The following COX6A1 variants were observed in gnomAD, a reference collection of about 807,000 sequenced individuals.
COX6A1 encodes cytochrome c oxidase subunit 6A1.
Under a neutral mutation model 11.3 loss-of-function variants are expected in COX6A1, and 10 were observed. The ratio of observed to expected loss-of-function variants is 0.88; its 90% CI spans 0.54 to 1.50. The LOEUF (loss-of-function observed/expected upper bound fraction) is 1.50. Among genes scored for constraint, COX6A1 ranks in the 40% most tolerant of loss-of-function variants. The pLI is 0.00. For synonymous variants in COX6A1, 81 were observed against 60.6 expected (o/e 1.34, Z -1.57); for missense variants, 149 against 147.6 (o/e 1.01, Z -0.05).
rs376239130 is a variant in COX6A1, at chr12:120,438,788, C to CTTTTTTTTTTTT, written c.246+282_246+293dup. 1.1e-4 allele frequency: 13 copies of CTTTTTTTTTTTT among 120,080 alleles called. 1 individual carries two copies. Among genetic ancestry groups the CTTTTTTTTTTTT allele is most frequent in the East Asian group, 1.1e-3 (3 of 2,834 alleles). The allele number at this position is 120,080 out of a possible 1,614,324, so 7.4% of individuals were successfully genotyped here. A position where few individuals can be genotyped will look rare whatever the true frequency, so the allele number is the denominator to read the frequency against. ...CTACCTCCTGCCTTCTGAGACAGTT[C>CTTTTTTTTTTTT]TTTTTTTTTTTTTTTTTTTTTTTTT... On this transcript the variant is annotated intron_variant, in intron 2 of 2. Transcript: ENST00000229379.
Position 120,438,521 on chromosome 12 carries a change from G to C in COX6A1, c.246G>C (p.Lys82Asn). ...ACCCCCATCTCCGCATCAGGACCAA[G>C]GTACGCCCTTGTACATCTCTTCAAG... is the stretch of plus-strand genomic sequence containing the variant. ...IAYPHLRIRT[K>N]PFPWGDGNHT... The change falls in exon 2 of 3, where the codon AAG (lysine) becomes AAC (asparagine). Residue 82 changes from lysine to asparagine, a missense_variant and splice_region_variant. Coordinates refer to ENST00000229379, the MANE Select transcript of COX6A1 (RefSeq NM_004373.4). 1.2e-6 allele frequency: 2 copies of C among 1,614,192 alleles called. No homozygotes were observed. Among genetic ancestry groups the C allele is most frequent in the Non-Finnish European group, 1.7e-6 (2 of 1,180,036 alleles).
intron 2 of COX6A1, chr12:120,438,735 C>T (rs569557930): frequency 7.5e-6 from 4 of 531,686 alleles, no homozygotes; most frequent in Admixed American, 6.8e-5. Flanking sequence ...AATAAGTGCT[C>T]TTCAGTTTCC....
Position 120,440,331 on chromosome 12 carries a change from G to A in COX6A1, c.247-123G>A, listed in dbSNP as rs1877691609. On this transcript the variant is annotated intron_variant, in intron 2 of 2. Transcript: ENST00000229379. The stretch of plus-strand genomic sequence containing the variant: ...ATGGGAAGGTTGAACTACACCAGTA[G>A]ATAAAGGACTAATTTCCATTTTGTT... 1.0e-5 allele frequency: 7 copies of A among 680,334 alleles called. No homozygotes were observed. The East Asian group carries it at 1.7e-4, about 17-fold the overall frequency. 42.1% of individuals were successfully genotyped at this position (680,334 alleles called of 1,614,324 possible).
chr12:120,440,434 C>T lies in COX6A1; in HGVS notation c.247-20C>T, dbSNP rs777418561. On this transcript the variant is annotated intron_variant, in intron 2 of 2. Transcript: ENST00000229379. ...TAAATTATTTTCTGGAATTATCTAA[C>T]TGACATCTTCACTCCACAGCCGTTT... 3.2e-6 allele frequency: 5 copies of T among 1,582,636 alleles called. No individual in the cohort carries two copies. The South Asian group carries it at 5.5e-5, about 18-fold the overall frequency.
At chr12:120,439,593 G>GTTATTA (rs568707652) in intron 2 of COX6A1, among the ~76,000 whole-genome samples, 11 of 151,194 alleles carry the variant, frequency 7.3e-5, no homozygotes, top group African/African-American at 1.9e-4. Flanking sequence ...GATGAAAAAA[G>GTTATTA]TTATTATTAT....
rs1877690087 is a variant in COX6A1 at position 120,440,263 on chromosome 12, A to G, written c.247-191A>G. The G allele has an allele frequency of 1.2e-5, 6 of 514,506 alleles. No individual in the cohort carries two copies. The South Asian group carries it at 1.5e-4, about 13-fold the overall frequency. 31.9% of individuals were successfully genotyped at this position (514,506 alleles called of 1,614,324 possible). On this transcript the variant is annotated intron_variant, in intron 2 of 2. Coordinates refer to ENST00000229379, the MANE Select transcript of COX6A1 (RefSeq NM_004373.4). ...ATTAAAACTGTCCTGTAGCCAGGAT[A>G]ACTTTAAGGGCTCCCCTGGTAGTTA... is the stretch of plus-strand genomic sequence containing the variant.
chr12:120,439,195 CTGT>C (rs916566412), intron 2 of COX6A1, among the ~76,000 whole-genome samples: 1 of 152,214 alleles, frequency 6.6e-6, no homozygotes, highest in African/African-American at 2.4e-5. Context: ...GTTGTGTCCT[CTGT>C]TGTTTGCTGT....
rs773309070 is a variant in COX6A1 at position 120,438,180 on chromosome 12, A to G, written c.54A>G (p.Pro18=). ...SVSRLLGRSR[P]QLGRPMSSGA... ...CTCGGCTGCTGGGTCGGTCCCGCCC[A>G]CAGCTGGGGCGGCCTATGTCGAGTG... The change falls in exon 1 of 3, where the codon CCA becomes CCG. Residue 18 remains proline, a synonymous_variant. Transcript: ENST00000229379. 6.2e-7 allele frequency: 1 copy of G among 1,613,902 alleles called. No individual in the cohort carries two copies. Among genetic ancestry groups the G allele is most frequent in the Non-Finnish European group, 8.5e-7 (1 of 1,179,946 alleles).
chr12:120,438,485 G>C lies in COX6A1; in HGVS notation c.210G>C (p.Glu70Asp). 6.2e-7 allele frequency: 1 copy of C among 1,614,200 alleles called. No homozygotes were observed. Among genetic ancestry groups the C allele is most frequent in the Non-Finnish European group, 8.5e-7 (1 of 1,180,032 alleles). The change falls in exon 2 of 3, where the codon GAG (glutamate) becomes GAC (aspartate). Residue 70 changes from glutamate (E) to aspartate (D), a missense_variant. Glu to Asp is a conservative substitution (Grantham distance 45). Transcript: ENST00000229379. Reference protein sequence around the residue: ...KSHHGEHERPEFIAYPHLRIR... With the variant: ...KSHHGEHERPDFIAYPHLRIR... Reference sequence around the variant, plus strand: ...ACCACGGAGAGCACGAGAGACCCGAGTTCATCGCCTACCCCCATCTCCGCA... The same window carrying C: ...ACCACGGAGAGCACGAGAGACCCGACTTCATCGCCTACCCCCATCTCCGCA...
chr12:120,440,297 C>T lies in COX6A1; in HGVS notation c.247-157C>T, dbSNP rs1381593491. On this transcript the variant is annotated intron_variant, in intron 2 of 2. Coordinates refer to ENST00000229379, the MANE Select transcript of COX6A1 (RefSeq NM_004373.4). Reference sequence around the variant, plus strand: ...GGCTCCCCTGGTAGTTATAAGAGCTCCTTAAATAATGGGAAGGTTGAACTA... The same window carrying T: ...GGCTCCCCTGGTAGTTATAAGAGCTTCTTAAATAATGGGAAGGTTGAACTA... 7.0e-6 allele frequency: 4 copies of T among 573,028 alleles called. 1 individual carries two copies. The Admixed American group carries it at 1.2e-4, about 17-fold the overall frequency. The allele number at this position is 573,028 out of a possible 1,614,324, so 35.5% of individuals were successfully genotyped here.
intron 1 of COX6A1, 52 bp downstream of exon 1, chr12:120,438,281 A>T (rs776492319): frequency 6.2e-7 from 1 of 1,612,398 alleles, no homozygotes; most frequent in Non-Finnish European, 8.5e-7. Context: ...CGGGCGAGAC[A>T]GGGAGGGACT....
chr12:120,439,135 C>T (rs1463372234), intron 2 of COX6A1, among the ~76,000 whole-genome samples: 2 of 152,212 alleles, frequency 1.3e-5, no homozygotes, highest in African/African-American at 4.8e-5. Context: ...CCCACCAATA[C>T]CTTTTCTCGA....
intron 2 of COX6A1, among the ~76,000 whole-genome samples, chr12:120,439,121 A>G (rs1484779815): frequency 6.6e-6 from 1 of 152,194 alleles, no homozygotes; most frequent in African/African-American, 2.4e-5. Context: ...AGCTTTCTCT[A>G]TTCCCCACCA....
chr12:120,440,018 T>A (rs11609119), intron 2 of COX6A1: 23,363 of 154,646 alleles, frequency 0.15, 2,133 homozygotes, highest in African/African-American at 0.26. Flanking sequence ...CAGGGTGGGC[T>A]GCAGTTTCCC....
At position 120,438,420 on chromosome 12, in the gene COX6A1, G is replaced by A; in HGVS notation, c.145G>A (p.Gly49Arg). ...TCTCACCTTCTTCGTCGCGCTCCCC[G>A]GGGTGGCAGTCAGCATGCTGAATGT... ...KTLTFFVALP[G>R]VAVSMLNVYL... The change falls in exon 2 of 3, where the codon GGG (glycine) becomes AGG (arginine). Residue 49 changes from glycine (G) to arginine (R), a missense_variant. Gly to Arg is a moderately radical substitution (Grantham distance 125). Coordinates refer to ENST00000229379, the MANE Select transcript of COX6A1 (RefSeq NM_004373.4). 6.2e-7 allele frequency: 1 copy of A among 1,614,168 alleles called. No individual in the cohort carries two copies. Among genetic ancestry groups the A allele is most frequent in the Non-Finnish European group, 8.5e-7 (1 of 1,180,024 alleles).
chr12:120,440,519 T>C lies in COX6A1; in HGVS notation c.312T>C (p.Thr104=), dbSNP rs373626484. The change falls in exon 3 of 3, where the codon ACT becomes ACC. Residue 104 remains threonine, a synonymous_variant. Transcript: ENST00000229379. ...ACCCTCATGTGAATCCACTTCCAAC[T>C]GGCTACGAAGATGAATAAAGAGAAT... ...FHNPHVNPLP[T]GYEDE is the part of the protein sequence containing the mutation. 8.7e-6 allele frequency: 14 copies of C among 1,610,206 alleles called. No individual in the cohort carries two copies. Among genetic ancestry groups the C allele is most frequent in the Non-Finnish European group, 1.1e-5 (13 of 1,176,608 alleles).
intron 2 of COX6A1, among the ~76,000 whole-genome samples, chr12:120,439,223 C>T (rs1877654637): frequency 6.6e-6 from 1 of 152,140 alleles, no homozygotes; most frequent in South Asian, 2.1e-4. Context: ...TTAACAAGGG[C>T]TTATTCTGAT....
chr12:120,440,587 G>C lies in COX6A1; in HGVS notation c.*50G>C, dbSNP rs753683592. On this transcript the variant is annotated 3_prime_UTR_variant, in exon 3 of 3. Coordinates refer to ENST00000229379, the MANE Select transcript of COX6A1 (RefSeq NM_004373.4). The stretch of plus-strand genomic sequence containing the variant: ...CACCAGGGACCACAGCACTGGTTTG[G>C]ACCGTTACTCTGCACATGGACCAGA... 1 of 1,410,076 alleles carries C rather than the reference G, an allele frequency of 7.1e-7. No homozygotes were observed. The highest frequency in any genetic ancestry group is 1.0e-6 in the Non-Finnish European group (1 of 995,592). The allele number at this position is 1,410,076 out of a possible 1,614,324, so 87.3% of individuals were successfully genotyped here. A position where few individuals can be genotyped will look rare whatever the true frequency, so the allele number is the denominator to read the frequency against.
intron 2 of COX6A1, chr12:120,438,814 T>TTA (rs1555218623): frequency 7.6e-5 from 25 of 328,406 alleles, no homozygotes; most frequent in African/African-American, 5.2e-4. Context: ...TTTTTTTTTT[T>TTA]ACTTCTGAGA....
Sources: allele counts gnomAD v4.1 joint callset (sites outside exome capture counted in the v4.1 genomes callset), GRCh38; gene constraint gnomAD v4.1.1; transcripts MANE v1.5; gene names NCBI Gene and HGNC (gene_info 2026-07-23, HGNC 2026-07-21).